IMPA1: variants seen among roughly 807,000 people sequenced by gnomAD.
IMPA1 encodes inositol monophosphatase 1.
A neutral mutation model predicts 34.9 loss-of-function variants in IMPA1; 21 were observed. That is an observed-to-expected ratio of 0.60 (90% CI 0.43 to 0.87). The LOEUF (loss-of-function observed/expected upper bound fraction) is 0.87. Among genes scored for constraint, IMPA1 ranks in the 40% least tolerant of loss-of-function variants. IMPA1 has a pLI of 0.00. For synonymous variants in IMPA1, 95 were observed against 104.4 expected (o/e 0.91, Z 0.55); for missense variants, 299 against 336.4 (o/e 0.89, Z 0.87).
At chr8:81,679,067 C>CCTAT in intron 4 of IMPA1, 59 bp downstream of exon 4, 1 of 1,069,454 alleles carries the variant, frequency 9.4e-7, no homozygotes, top group Non-Finnish European at 1.5e-6. Context: ...AATAGAGTAT[C>CCTAT]TATAGGTCAA....
chr8:81,667,770 T>C (rs181504658), intron 7 of IMPA1, among the ~76,000 whole-genome samples: 8 of 151,840 alleles, frequency 5.3e-5, no homozygotes, highest in African/African-American at 1.9e-4. Context: ...GGAAAGGCCA[T>C]CCTGGTTATA....
At chr8:81,664,043 A>G (rs1806751569) in intron 7 of IMPA1, among the ~76,000 whole-genome samples, 1 of 152,188 alleles carries the variant, frequency 6.6e-6, no homozygotes, top group Non-Finnish European at 1.5e-5. Flanking sequence ...CAGAAAAAAA[A>G]ATAAATACAT....
intron 1 of IMPA1, among the ~76,000 whole-genome samples, chr8:81,685,277 GTATATATAGTATAT>G (rs1807475316): frequency 1.6e-5 from 2 of 127,202 alleles, no homozygotes; most frequent in African/African-American, 6.3e-5. Flanking sequence ...ACTATATATA[GTATATATAGTATAT>G]ATACTATACA....
At chr8:81,662,620 A>G (rs1262490762) in intron 7 of IMPA1, among the ~76,000 whole-genome samples, 1 of 152,196 alleles carries the variant, frequency 6.6e-6, no homozygotes, top group East Asian at 1.9e-4. Flanking sequence ...TGTAAAAAGG[A>G]TTATGTTTGA....
intron 7 of IMPA1, among the ~76,000 whole-genome samples, chr8:81,670,639 A>C (rs1806958876): frequency 6.6e-6 from 1 of 152,214 alleles, no homozygotes; most frequent in Non-Finnish European, 1.5e-5. Flanking sequence ...AGATCAAAGA[A>C]GGCTAAGGAG....
intron 4 of IMPA1, 72 bp downstream of exon 4, chr8:81,679,054 C>A: frequency 1.1e-6 from 1 of 927,018 alleles, no homozygotes; most frequent in Non-Finnish European, 1.7e-6. Context: ...GTACATGTTC[C>A]TAAATAGAGT....
chr8:81,678,123 C>T lies in IMPA1; in HGVS notation c.302+1003G>A, dbSNP rs1196799125. On this transcript the variant is annotated intron_variant, in intron 4 of 8. Transcript: ENST00000256108. Reference sequence around the variant, plus strand: ...ACTAACTTGCCTAAGGTGAAAAAGCCGTAAAAAAATACCAGAATGCACGTC... The same window carrying T: ...ACTAACTTGCCTAAGGTGAAAAAGCTGTAAAAAAATACCAGAATGCACGTC... Among the ~76,000 whole-genome samples the T allele has an allele frequency of 5.9e-5, 9 of 151,700 alleles. No individual in the cohort carries two copies. The South Asian group carries it at 1.7e-3, about 28-fold the overall frequency.
intron 7 of IMPA1, among the ~76,000 whole-genome samples, chr8:81,660,878 A>C (rs1174372356): frequency 6.6e-6 from 1 of 152,218 alleles, no homozygotes; most frequent in Non-Finnish European, 1.5e-5. Flanking sequence ...CTCACAAAGC[A>C]ATAATTTAAT....
At chr8:81,666,896 A>G (rs1806843454) in intron 7 of IMPA1, among the ~76,000 whole-genome samples, 1 of 144,398 alleles carries the variant, frequency 6.9e-6, no homozygotes, top group Admixed American at 6.9e-5. Flanking sequence ...AAAAAAAAAA[A>G]GCAGGAATTG....
chr8:81,674,265 T>C (rs555522928), intron 5 of IMPA1: 6 of 219,994 alleles, frequency 2.7e-5, no homozygotes, highest in Non-Finnish European at 5.4e-5. Context: ...TACCCTCACA[T>C]ACATTCTCTG....
intron 7 of IMPA1, among the ~76,000 whole-genome samples, chr8:81,665,942 C>A (rs950663897): frequency 6.6e-6 from 1 of 152,180 alleles, no homozygotes; most frequent in Non-Finnish European, 1.5e-5. Context: ...TGCCCTCCCC[C>A]AAGGAATCTA....
In IMPA1 at chr8:81,679,330, C is replaced by A. The variant is rs911431693; in HGVS notation, c.198-100G>T. The stretch of plus-strand genomic sequence containing the variant: ...CTACACAGAGTACTATAAAACATAG[C>A]AGGCGAGGTGTGGAGGTTCACGCCT... On this transcript the variant is annotated intron_variant, in intron 3 of 8. Coordinates refer to ENST00000256108, the MANE Select transcript of IMPA1 (RefSeq NM_005536.4). 1.9e-5 allele frequency: 16 copies of A among 826,208 alleles called. No homozygotes were observed. In the Admixed American group the frequency reaches 3.1e-4, roughly 16 times the overall value. The allele number at this position is 826,208 out of a possible 1,614,324, so 51.2% of individuals were successfully genotyped here.
At chr8:81,666,699 C>A (rs1216645492) in intron 7 of IMPA1, among the ~76,000 whole-genome samples, 1 of 151,722 alleles carries the variant, frequency 6.6e-6, no homozygotes, top group Admixed American at 6.6e-5. Context: ...CATGGCGAAA[C>A]CCTGTCTCTA....
chr8:81,667,783 C>A (rs1328127283), intron 7 of IMPA1, among the ~76,000 whole-genome samples: 1 of 151,090 alleles, frequency 6.6e-6, no homozygotes, highest in Non-Finnish European at 1.5e-5. Flanking sequence ...TGGTTATAAA[C>A]TGGCAAAGAA....
intron 4 of IMPA1, chr8:81,678,772 C>T (rs1807205966): frequency 1.4e-5 from 3 of 218,528 alleles, no homozygotes; most frequent in Admixed American, 1.1e-4. Context: ...ATGGTACATG[C>T]CACTCAAAGA....
chr8:81,681,676 AGGAT>A, intron 1 of IMPA1, 92 bp from the exon 2 acceptor site: 1 of 730,992 alleles, frequency 1.4e-6, no homozygotes, highest in Non-Finnish European at 2.4e-6. Flanking sequence ...CTGTCATTTC[AGGAT>A]TCACCCCCTG....
Position 81,660,631 on chromosome 8 carries a change from G to A in IMPA1, c.603C>T (p.Cys201=), listed in dbSNP as rs1688583421. The A allele has an allele frequency of 4.3e-6, 7 of 1,612,822 alleles. No homozygotes were observed. The highest frequency in any genetic ancestry group is 5.9e-6 in the Non-Finnish European group (7 of 1,179,098). The change falls in exon 8 of 9, where the codon TGC becomes TGT. Residue 201 remains cysteine (C), a synonymous_variant. Transcript: ENST00000256108. ...RSVGTAAVNM[C]LVATGGADAY... ...CATCTGCTCCGCCAGTTGCCACAAG[G>A]CACATATTAACAGCTGCTGTTCCAA...
intron 1 of IMPA1, 199 bp downstream of exon 1, chr8:81,686,053 C>A (rs920926256): frequency 1.8e-6 from 2 of 1,133,962 alleles, no homozygotes; most frequent in South Asian, 1.9e-5. Flanking sequence ...AACCGCTACT[C>A]CAATGCCGGA....
intron 8 of IMPA1, among the ~76,000 whole-genome samples, chr8:81,660,235 T>C (rs144900674): frequency 1.3e-3 from 198 of 152,320 alleles, no homozygotes; most frequent in Non-Finnish European, 2.2e-3. Flanking sequence ...GGACTGCAGG[T>C]TGGACAAACT....
Sources: gnomAD v4.1 joint callset for allele counts (sites outside exome capture counted in the v4.1 genomes callset) on GRCh38, gnomAD v4.1.1 for gene constraint, MANE v1.5 for transcripts, NCBI Gene and HGNC (gene_info 2026-07-23, HGNC 2026-07-21) for gene names.